The following KIF13B variants were observed in gnomAD, a reference collection of about 807,000 sequenced individuals.
KIF13B encodes the protein kinesin family member 13B, also known as kinesin-like protein KIF13B.
In KIF13B, 127 loss-of-function variants were observed where a neutral mutation model predicts 222.0. The ratio of observed to expected loss-of-function variants is 0.57; its 90% CI spans 0.50 to 0.66. The LOEUF is 0.66. Ranked by LOEUF, KIF13B falls within the 30% of genes least tolerant of loss-of-function variation. KIF13B has a pLI of 0.00. For synonymous variants in KIF13B, 976 were observed against 919.0 expected (o/e 1.06, Z -1.12); for missense variants, 2,173 against 2,379.0 (o/e 0.91, Z 1.80).
At chr8:29,109,586 A>C in intron 33 of KIF13B, 75 bp from the exon 34 acceptor site, 1 of 1,150,100 alleles carries the variant, frequency 8.7e-7, no homozygotes. Flanking sequence ...TGTACAGCAG[A>C]CTTGCAACCC....
At position 29,110,041 on chromosome 8, in the gene KIF13B, T is replaced by C. The variant is rs746469243; in HGVS notation, c.3960A>G (p.Ala1320=). The stretch of plus-strand genomic sequence containing the variant: ...CAACATTGGCTGCCATTCTTGCTAA[T>C]GCTTCCCGTTCTTCCACTCCCTGGG... ...EDAQGVEERE[A]LARMAANVEN... The change falls in exon 33 of 40, where the codon GCA becomes GCG. Residue 1320 remains alanine (A), a synonymous_variant. Transcript: ENST00000524189. 2.5e-6 allele frequency: 4 copies of C among 1,571,256 alleles called. No homozygotes were observed. In the African/African-American group the frequency reaches 5.4e-5, roughly 21 times the overall value.
intron 34 of KIF13B, among the ~76,000 whole-genome samples, chr8:29,109,132 G>C (rs139701426): frequency 1.0e-3 from 156 of 152,306 alleles, no homozygotes; most frequent in African/African-American, 3.7e-3. Context: ...CCATAGGCCC[G>C]TGGCTAGTTT....
intron 1 of KIF13B, among the ~76,000 whole-genome samples, chr8:29,261,625 A>G (rs556580480): frequency 2.6e-5 from 4 of 152,326 alleles, no homozygotes; most frequent in African/African-American, 9.6e-5. Context: ...GCTTCTGAAA[A>G]TTTTCAGAAT....
chr8:29,072,627 T>C (rs1004202208), intron 38 of KIF13B, among the ~76,000 whole-genome samples: 1 of 152,190 alleles, frequency 6.6e-6, no homozygotes, highest in Middle Eastern at 3.2e-3. Context: ...GTGATAAAGG[T>C]TGAGGGGCCG....
At chr8:29,239,169 A>T (rs1355293872) in intron 2 of KIF13B, among the ~76,000 whole-genome samples, 1 of 152,230 alleles carries the variant, frequency 6.6e-6, no homozygotes, top group African/African-American at 2.4e-5. Flanking sequence ...AATAGAAGAC[A>T]GAGGGCTAAG....
chr8:29,142,308 A>C lies in KIF13B; in HGVS notation c.2188-5T>G. ...CTCACTAAGAAGAGAGCCTCGCTGC[A>C]AAGAGAGTAAGAATGACCGTGAGAA... is the stretch of plus-strand genomic sequence containing the variant. On this transcript the variant is annotated splice_polypyrimidine_tract_variant and splice_region_variant and intron_variant, in intron 18 of 39. Transcript: ENST00000524189. 6.2e-7 allele frequency: 1 copy of C among 1,608,842 alleles called. No homozygotes were observed. Among genetic ancestry groups the C allele is most frequent in the Non-Finnish European group, 8.5e-7 (1 of 1,177,332 alleles).
At chr8:29,220,778 A>G (rs1015233694) in intron 2 of KIF13B, among the ~76,000 whole-genome samples, 1 of 152,160 alleles carries the variant, frequency 6.6e-6, no homozygotes, top group Non-Finnish European at 1.5e-5. Context: ...TGGTAAGAAA[A>G]GAGTAGAGAG....
At chr8:29,222,907 T>C (rs1018406930) in intron 2 of KIF13B, among the ~76,000 whole-genome samples, 4 of 152,094 alleles carry the variant, frequency 2.6e-5, no homozygotes, top group Admixed American at 6.6e-5. Flanking sequence ...CTCAAAATAT[T>C]AGAGCTGCAG....
Position 29,260,416 on chromosome 8 carries a change from C to T in KIF13B, c.55+2564G>A, listed in dbSNP as rs142676456. Among the ~76,000 whole-genome samples, 680 of 152,162 alleles carry T rather than the reference C, an allele frequency of 4.5e-3. 5 individuals are homozygous for T. Among genetic ancestry groups the T allele is most frequent in the African/African-American group, 0.015 (636 of 41,516 alleles). On this transcript the variant is annotated intron_variant, in intron 1 of 39. Transcript: ENST00000524189. ...CATCCCCGTCCTCTTTTATAGATAG[C>T]GATTTATAAGGTTGCTTCCGGCACC...
chr8:29,122,700 G>T lies in KIF13B; in HGVS notation c.3480-54C>A, dbSNP rs951700220. The T allele has an allele frequency of 1.4e-5, 20 of 1,416,600 alleles. No homozygotes were observed. In the African/African-American group the frequency reaches 2.8e-4, roughly 20 times the overall value. 87.8% of individuals were successfully genotyped at this position (1,416,600 alleles called of 1,614,324 possible). A position where few individuals can be genotyped will look rare whatever the true frequency, so the allele number is the denominator to read the frequency against. On this transcript the variant is annotated intron_variant, in intron 28 of 39. Transcript: ENST00000524189. ...CCTCAGGTTACTTTCTCAGTGGCAT[G>T]CACGTAGGAACACAGCCTTAATGGC...
chr8:29,247,276 T>C (rs1816069197), intron 1 of KIF13B, among the ~76,000 whole-genome samples: 3 of 152,148 alleles, frequency 2.0e-5, no homozygotes, highest in Admixed American at 2.0e-4. Flanking sequence ...TAGTTCCAAC[T>C]ACTGGGGAGG....
intron 2 of KIF13B, among the ~76,000 whole-genome samples, chr8:29,204,173 C>G (rs530552035): frequency 5.3e-5 from 8 of 152,270 alleles, no homozygotes; most frequent in Non-Finnish European, 1.0e-4. Context: ...TGGTTGAGAA[C>G]AGAGGGACAT....
intron 38 of KIF13B, among the ~76,000 whole-genome samples, chr8:29,074,634 G>A (rs1807467214): frequency 6.6e-6 from 1 of 152,236 alleles, no homozygotes; most frequent in South Asian, 2.1e-4. Context: ...CCCAGGGGAG[G>A]GGGCACCCCG....
chr8:29,118,270 A>G (rs962623456), intron 30 of KIF13B, among the ~76,000 whole-genome samples: 52 of 151,446 alleles, frequency 3.4e-4, no homozygotes, highest in African/African-American at 1.3e-3. Context: ...GCAGGCGATC[A>G]CTTCCGGTCA....
At chr8:29,169,940 C>G (rs986096645) in intron 10 of KIF13B, among the ~76,000 whole-genome samples, 1 of 152,144 alleles carries the variant, frequency 6.6e-6, no homozygotes, top group Admixed American at 6.5e-5. Context: ...CGATAACTAC[C>G]AAAGGAGAAA....
At chr8:29,165,915 A>ATCGAAGTACCTCGATTGTAGT in intron 11 of KIF13B, 143 bp from the exon 12 acceptor site, 1 of 675,184 alleles carries the variant, frequency 1.5e-6, no homozygotes, top group Non-Finnish European at 2.5e-6. Context: ...TCGATTGTAG[A>ATCGAAGTACCTCGATTGTAGT]TCGAAGTACC....
Position 29,224,997 on chromosome 8 carries a change from G to A in KIF13B, c.149+20349C>T, listed in dbSNP as rs1814956029. ...CTGTAAGAGGATCTGGCAAACATGA[G>A]TACAGTGATATGTGTTACAGCTGCA... On this transcript the variant is annotated intron_variant, in intron 2 of 39. Coordinates refer to ENST00000524189, the MANE Select transcript of KIF13B (RefSeq NM_015254.4). 2.6e-5 allele frequency among the ~76,000 whole-genome samples: 4 copies of A among 152,210 alleles called. No individual in the cohort carries two copies. In the South Asian group the frequency reaches 8.3e-4, roughly 31 times the overall value.
intron 35 of KIF13B, 99 bp downstream of exon 35, chr8:29,108,040 G>C (rs1467306358): frequency 1.0e-6 from 1 of 980,336 alleles, no homozygotes; most frequent in Non-Finnish European, 1.6e-6. Context: ...GATGAGTAGA[G>C]GAAATTCTGG....
Position 29,123,502 on chromosome 8 carries a change from C to A in KIF13B, c.3353-10G>T, listed in dbSNP as rs183934866. 1 of 1,613,626 alleles carries A rather than the reference C, an allele frequency of 6.2e-7. No individual in the cohort carries two copies. Among genetic ancestry groups the A allele is most frequent in the East Asian group, 2.2e-5 (1 of 44,878 alleles). On this transcript the variant is annotated splice_polypyrimidine_tract_variant and intron_variant, in intron 27 of 39. Transcript: ENST00000524189. ...TCATCCTCTGTTTTATCTAGAACAT[C>A]GAGAATGAGGATTCAATGACAAAAC...
Sources: allele counts gnomAD v4.1 joint callset (sites outside exome capture counted in the v4.1 genomes callset), GRCh38; gene constraint gnomAD v4.1.1; transcripts MANE v1.5; gene names NCBI Gene and HGNC (gene_info 2026-07-23, HGNC 2026-07-21).